PLD1: variants seen among roughly 807,000 people sequenced by gnomAD.
The protein encoded by PLD1 is phospholipase D1, also known as choline phosphatase 1.
A neutral mutation model predicts 137.1 loss-of-function variants in PLD1; 112 were observed. The ratio of observed to expected loss-of-function variants is 0.82; its 90% CI spans 0.70 to 0.96. The LOEUF is 0.96. PLD1 is among the 40% of genes least tolerant of loss of function. PLD1 has a pLI of 0.00. For missense variants in PLD1, 1,321 were observed against 1,342.0 expected (o/e 0.98, Z 0.24); for synonymous variants, 431 against 454.7 (o/e 0.95, Z 0.66).
In PLD1 at chr3:171,688,764, T is replaced by C. The variant is rs1189048422; in HGVS notation, c.1451A>G (p.Tyr484Cys). ...GTGCTCATTGTCGTCCCACCTTCCA[T>C]AGGCCAGGTCAATCCCTCCCACAAA... ...VAFVGGIDLA[Y>C]GRWDDNEHRL... The change falls in exon 14 of 27, where the codon TAT becomes TGT. Residue 484 changes from tyrosine to cysteine, a missense_variant. By Grantham distance (194) the Tyr-to-Cys change is radical. Coordinates refer to ENST00000351298, the MANE Select transcript of PLD1 (RefSeq NM_002662.5). 6.8e-6 allele frequency: 11 copies of C among 1,614,012 alleles called. No homozygotes were observed. The highest frequency in any genetic ancestry group is 9.3e-6 in the Non-Finnish European group (11 of 1,179,998).
chr3:171,704,469 A>AAAC lies in PLD1; in HGVS notation c.1145+4285_1145+4286insGTT, dbSNP rs1553826992. Among the ~76,000 whole-genome samples, 897 of 150,500 alleles carry AAAC rather than the reference A, an allele frequency of 6.0e-3. 12 individuals carry two copies. Among genetic ancestry groups the AAAC allele is most frequent in the African/African-American group, 0.02 (811 of 40,246 alleles). ...ACACAAAGAACCAGGAAAAAAAAAA[A>AAAC]AAAAAAAACCTTATCTTGTACAGAA... On this transcript the variant is annotated intron_variant, in intron 11 of 26. Coordinates refer to ENST00000351298, the MANE Select transcript of PLD1 (RefSeq NM_002662.5).
chr3:171,648,660 T>C (rs1736471183), intron 21 of PLD1, among the ~76,000 whole-genome samples: 1 of 152,078 alleles, frequency 6.6e-6, no homozygotes, highest in Non-Finnish European at 1.5e-5. Flanking sequence ...GTTCATGCCA[T>C]TCTCCTGCCT....
At chr3:171,643,188 A>G (rs1735916005) in intron 22 of PLD1, 1 of 277,048 alleles carries the variant, frequency 3.6e-6, no homozygotes, top group East Asian at 9.3e-5. Flanking sequence ...TCCCTCTTAC[A>G]AAACTGGGTA....
At chr3:171,640,787 T>C (rs1309149000) in intron 23 of PLD1, among the ~76,000 whole-genome samples, 1 of 152,208 alleles carries the variant, frequency 6.6e-6, no homozygotes, top group Non-Finnish European at 1.5e-5. Context: ...ACCTTTCAGA[T>C]TCCCAGGGAT....
At chr3:171,658,483 G>A (rs914172432) in intron 21 of PLD1, among the ~76,000 whole-genome samples, 7 of 152,076 alleles carry the variant, frequency 4.6e-5, no homozygotes, top group Non-Finnish European at 8.8e-5. Context: ...AAAAAGAAAT[G>A]AAATACTGAT....
chr3:171,735,650 A>G lies in PLD1; in HGVS notation c.289-13T>C. 1 of 1,430,726 alleles carries G rather than the reference A, an allele frequency of 7.0e-7. No individual in the cohort carries two copies. Among genetic ancestry groups the G allele is most frequent in the East Asian group, 2.3e-5 (1 of 44,010 alleles). The allele number at this position is 1,430,726 out of a possible 1,614,324, so 88.6% of individuals were successfully genotyped here. ...TAATACTTGGTACCTACAGTGATAC[A>G]TAAAAATGTTTGATATTTTAGATAA... On this transcript the variant is annotated splice_polypyrimidine_tract_variant and intron_variant, in intron 3 of 26. Coordinates refer to ENST00000351298, the MANE Select transcript of PLD1 (RefSeq NM_002662.5).
chr3:171,734,934 A>G lies in PLD1; in HGVS notation c.471T>C (p.Pro157=). ...TFRRQNVREE[P]REMPSLPRSS... ...AACGGGGCAAACTGGGCATCTCTCG[A>G]GGCTCCTCTCTGACGTTTTGCCTCC... The change falls in exon 5 of 27, where the codon CCT becomes CCC. Residue 157 remains proline (P), a synonymous_variant. Transcript: ENST00000351298. The G allele has an allele frequency of 6.2e-7, 1 of 1,613,388 alleles. No homozygotes were observed. The highest frequency in any genetic ancestry group is 1.1e-5 in the South Asian group (1 of 91,030).
At chr3:171,716,128 C>T (rs1223086604) in intron 8 of PLD1, among the ~76,000 whole-genome samples, 1 of 152,106 alleles carries the variant, frequency 6.6e-6, no homozygotes, top group Non-Finnish European at 1.5e-5. Context: ...ATGTACTATC[C>T]AGTCTACTAC....
At chr3:171,631,940 A>C (rs1353878569) in intron 23 of PLD1, among the ~76,000 whole-genome samples, 1 of 152,184 alleles carries the variant, frequency 6.6e-6, no homozygotes, top group African/African-American at 2.4e-5. Context: ...GCATGCTAAA[A>C]CCAGGAGGTC....
chr3:171,746,051 C>T (rs868026096), intron 1 of PLD1, among the ~76,000 whole-genome samples: 7 of 152,326 alleles, frequency 4.6e-5, no homozygotes, highest in South Asian at 2.1e-4. Context: ...GAGGGTACGC[C>T]GGGTCCCCCA....
intron 8 of PLD1, among the ~76,000 whole-genome samples, chr3:171,721,770 CAA>C (rs1044966722): frequency 1.5e-4 from 23 of 150,906 alleles, no homozygotes; most frequent in African/African-American, 5.1e-4. Context: ...AGCGACAGAT[CAA>C]GACTCCATCT....
chr3:171,681,607 T>C (rs1380188622), intron 16 of PLD1, among the ~76,000 whole-genome samples: 1 of 152,242 alleles, frequency 6.6e-6, no homozygotes, highest in Non-Finnish European at 1.5e-5. Flanking sequence ...ATTTTGGTTT[T>C]CAAAATTTTT....
At chr3:171,696,316 A>G (rs1336055686) in intron 12 of PLD1, among the ~76,000 whole-genome samples, 1 of 152,246 alleles carries the variant, frequency 6.6e-6, no homozygotes, top group Non-Finnish European at 1.5e-5. Context: ...TGAGTTGTGA[A>G]CAGTCTGCCT....
At chr3:171,699,261 A>G (rs1335326303) in intron 12 of PLD1, among the ~76,000 whole-genome samples, 1 of 152,212 alleles carries the variant, frequency 6.6e-6, no homozygotes, top group Non-Finnish European at 1.5e-5. Flanking sequence ...CATTTTTACC[A>G]GGAACTTTAC....
chr3:171,724,595 A>T (rs1718363889), intron 8 of PLD1, 101 bp downstream of exon 8: 10 of 706,766 alleles, frequency 1.4e-5, no homozygotes, highest in Non-Finnish European at 2.5e-5. Flanking sequence ...TTGTTCTGCC[A>T]TTGCTTTTAA....
chr3:171,704,469 A>AAAAAAAC (rs1716512835), intron 11 of PLD1, among the ~76,000 whole-genome samples: 3 of 150,412 alleles, frequency 2.0e-5, no homozygotes, highest in Non-Finnish European at 2.9e-5. Flanking sequence ...AAAAAAAAAA[A>AAAAAAAC]AAAAAAAACC....
At chr3:171,685,481 A>T (rs893291977) in intron 16 of PLD1, among the ~76,000 whole-genome samples, 1 of 152,168 alleles carries the variant, frequency 6.6e-6, no homozygotes, top group Non-Finnish European at 1.5e-5. Flanking sequence ...GATAAATTGG[A>T]ACTCCATTGG....
At chr3:171,691,221 T>C (rs986271654) in intron 13 of PLD1, among the ~76,000 whole-genome samples, 1 of 152,188 alleles carries the variant, frequency 6.6e-6, no homozygotes, top group African/African-American at 2.4e-5. Context: ...GAGTCTCTTG[T>C]AGATACCATA....
chr3:171,604,506 T>G (rs1471373420), intron 26 of PLD1, among the ~76,000 whole-genome samples: 1 of 152,050 alleles, frequency 6.6e-6, no homozygotes, highest in East Asian at 1.9e-4. Flanking sequence ...CACAGACTTA[T>G]CCAACTTCTC....
Sources: allele counts gnomAD v4.1 joint callset (sites outside exome capture counted in the v4.1 genomes callset), GRCh38; gene constraint gnomAD v4.1.1; transcripts MANE v1.5; gene names NCBI Gene and HGNC (gene_info 2026-07-23, HGNC 2026-07-21).